The following MXI1 variants were observed in gnomAD, a reference collection of about 807,000 sequenced individuals.
The protein encoded by MXI1 is max-interacting protein 1.
MXI1 carries 18 observed loss-of-function variants against 36.9 expected under a neutral mutation model. The ratio of observed to expected loss-of-function variants is 0.49; its 90% confidence interval spans 0.34 to 0.72. The LOEUF (loss-of-function observed/expected upper bound fraction) is 0.72, where lower values mean the gene tolerates loss of function less well. Ranked by LOEUF, MXI1 falls within the 30% of genes least tolerant of loss-of-function variation. The pLI, the probability that MXI1 is intolerant of heterozygous loss-of-function variation, is 0.01. For synonymous variants in MXI1, 160 were observed against 146.7 expected (o/e 1.09, Z -0.65); for missense variants, 304 against 379.1 (o/e 0.80, Z 1.64).
chr10:110,213,521 T>A (rs1222565660), intron 1 of MXI1, among the ~76,000 whole-genome samples: 2 of 152,342 alleles, frequency 1.3e-5, no homozygotes, highest in East Asian at 3.9e-4. Flanking sequence ...TTTCCAGTTT[T>A]AAATATGATC....
intron 3 of MXI1, chr10:110,245,816 T>TAGGTA (rs1348757519): frequency 2.0e-5 from 3 of 152,104 alleles, no homozygotes; most frequent in African/African-American, 7.2e-5. Context: ...TGCAGTAATC[T>TAGGTA]AGGTAAGAGA....
intron 5 of MXI1, among the ~76,000 whole-genome samples, chr10:110,284,304 A>ACC (rs1857368244): frequency 6.6e-6 from 1 of 152,114 alleles, no homozygotes; most frequent in African/African-American, 2.4e-5. Context: ...GACTTGTTTG[A>ACC]CTGACTAGTT....
In MXI1 at chr10:110,207,800, C is replaced by T. The variant is rs771030499; in HGVS notation, c.-9C>T. The T allele has an allele frequency of 6.6e-5, 74 of 1,126,878 alleles. No individual in the cohort carries two copies. Among genetic ancestry groups the T allele is most frequent in the South Asian group, 1.3e-4 (4 of 30,338 alleles). 69.8% of individuals were successfully genotyped at this position (1,126,878 alleles called of 1,614,324 possible). A position where few individuals can be genotyped will look rare whatever the true frequency, so the allele number is the denominator to read the frequency against. On this transcript the variant is annotated 5_prime_UTR_variant, in exon 1 of 6. Transcript: ENST00000332674. ...TTAGAGGACGAGCTCGGCGGACCCC[C>T]GCTCCTCCATGGGCAAACGCGGGCG...
At chr10:110,276,823 T>G (rs1857049266) in intron 3 of MXI1, among the ~76,000 whole-genome samples, 1 of 151,890 alleles carries the variant, frequency 6.6e-6, no homozygotes, top group African/African-American at 2.4e-5. Context: ...ATTTTGATTT[T>G]CCTTTCTTTC....
chr10:110,226,566 C>T (rs191718302), intron 1 of MXI1, among the ~76,000 whole-genome samples: 3 of 3,622 alleles, frequency 8.3e-4, no homozygotes, highest in African/African-American at 6.6e-3. Context: ...GGGAGGGGTG[C>T]GCGCGTGTGA....
At chr10:110,284,034 C>T (rs1276118343) in intron 5 of MXI1, among the ~76,000 whole-genome samples, 1 of 151,946 alleles carries the variant, frequency 6.6e-6, no homozygotes, top group African/African-American at 2.4e-5. Context: ...CTCAAGTGAT[C>T]TTCCTGCCTT....
chr10:110,246,473 A>C (rs2134396580), intron 3 of MXI1, among the ~76,000 whole-genome samples: 1 of 152,312 alleles, frequency 6.6e-6, no homozygotes, highest in Middle Eastern at 3.4e-3. Context: ...ATTGCAAGTA[A>C]GTTTAAATGT....
intron 1 of MXI1, chr10:110,227,581 G>C (rs1554854634): frequency 1.0e-6 from 1 of 978,444 alleles, no homozygotes; most frequent in African/African-American, 1.8e-5. Flanking sequence ...ACGGATGCTG[G>C]GGGGGGTCAG....
chr10:110,247,603 A>G (rs1356878336), intron 3 of MXI1, among the ~76,000 whole-genome samples: 2 of 152,316 alleles, frequency 1.3e-5, no homozygotes, highest in South Asian at 2.1e-4. Context: ...CTTTCTACAT[A>G]TGGCTAGCCA....
intron 2 of MXI1, among the ~76,000 whole-genome samples, chr10:110,238,008 C>CAG (rs1284876259): frequency 6.6e-6 from 1 of 152,114 alleles, no homozygotes; most frequent in Admixed American, 6.5e-5. Flanking sequence ...TGCCCAGACA[C>CAG]AGAGAGAGAG....
chr10:110,251,299 T>A (rs1443445653), intron 3 of MXI1, among the ~76,000 whole-genome samples: 1 of 152,120 alleles, frequency 6.6e-6, no homozygotes, highest in African/African-American at 2.4e-5. Flanking sequence ...TTTTTGATCA[T>A]GAATATGAGA....
chr10:110,222,397 G>A (rs1294609645), intron 1 of MXI1, among the ~76,000 whole-genome samples: 2 of 151,990 alleles, frequency 1.3e-5, no homozygotes, highest in South Asian at 2.1e-4. Context: ...TCCCCATCTC[G>A]CCTCCCTGAA....
At chr10:110,217,900 T>C (rs1854693233) in intron 1 of MXI1, among the ~76,000 whole-genome samples, 1 of 152,202 alleles carries the variant, frequency 6.6e-6, no homozygotes, top group Non-Finnish European at 1.5e-5. Context: ...CTCCTAGTAT[T>C]GAGCATTTAC....
intron 1 of MXI1, among the ~76,000 whole-genome samples, chr10:110,227,137 G>A (rs1201383436): frequency 2.8e-5 from 3 of 105,312 alleles, no homozygotes; most frequent in Admixed American, 8.9e-5. Context: ...GTTAGGGGAG[G>A]GGCGTGTGAG....
chr10:110,248,183 C>T (rs1023696481), intron 3 of MXI1, among the ~76,000 whole-genome samples: 5 of 152,068 alleles, frequency 3.3e-5, no homozygotes, highest in South Asian at 2.1e-4. Flanking sequence ...CATCACACAC[C>T]GGGGCCTGTT....
intron 1 of MXI1, among the ~76,000 whole-genome samples, chr10:110,212,292 C>T (rs1246772943): frequency 6.6e-6 from 1 of 152,180 alleles, no homozygotes; most frequent in African/African-American, 2.4e-5. Context: ...GAGGAAGCTG[C>T]TGTTGTGTGG....
chr10:110,259,984 G>T (rs1856452338), intron 3 of MXI1, among the ~76,000 whole-genome samples: 1 of 151,994 alleles, frequency 6.6e-6, no homozygotes, highest in African/African-American at 2.4e-5. Context: ...ATCAAGAAAA[G>T]TTGGAACTTA....
chr10:110,228,373 T>G, intron 2 of MXI1, 52 bp downstream of exon 2: 1 of 1,606,784 alleles, frequency 6.2e-7, no homozygotes, highest in Non-Finnish European at 8.5e-7. Flanking sequence ...GGAGCACATT[T>G]CTCCTGTAAT....
intron 2 of MXI1, 94 bp downstream of exon 2, chr10:110,228,415 T>G (rs1855139786): frequency 6.8e-7 from 1 of 1,475,656 alleles, no homozygotes; most frequent in South Asian, 1.2e-5. Context: ...CTTGATGGGT[T>G]CCTTTACCAC....
Sources: gnomAD v4.1 joint callset for allele counts (sites outside exome capture counted in the v4.1 genomes callset) on GRCh38, gnomAD v4.1.1 for gene constraint, MANE v1.5 for transcripts, NCBI Gene and HGNC (gene_info 2026-07-23, HGNC 2026-07-21) for gene names.